Variants in DCT observed in about 807,000 individuals in gnomAD.
DCT encodes dopachrome tautomerase.
Under a neutral mutation model 53.0 loss-of-function variants are expected in DCT, and 47 were observed. That is an observed-to-expected ratio of 0.89 (90% CI 0.70 to 1.13). The LOEUF is 1.13. Ranked by LOEUF, DCT falls within the 50% of genes most tolerant of loss-of-function variation. The probability of loss-of-function intolerance (pLI) is 0.00; values close to 1 mark genes in which losing one functional copy is unlikely to be tolerated. For synonymous variants in DCT, 244 were observed against 237.0 expected (o/e 1.03, Z -0.27); for missense variants, 669 against 637.4 (o/e 1.05, Z -0.53).
At chr13:94,502,794 A>G in the DCT span, among the ~76,000 whole-genome samples, 1 of 151,438 alleles carries the variant, frequency 6.6e-6, no homozygotes, top group African/African-American at 2.4e-5. Flanking sequence ...TCCTCGCTGC[A>G]CTCTCTCCGA....
chr13:94,458,669 G>A (rs1457155542), intron 6 of DCT, among the ~76,000 whole-genome samples: 3 of 151,894 alleles, frequency 2.0e-5, no homozygotes, highest in Non-Finnish European at 4.4e-5. Context: ...GGGCGTGGTG[G>A]CGTGCAACTG....
At chr13:94,447,297 G>A (rs973405402) in intron 6 of DCT, among the ~76,000 whole-genome samples, 5 of 152,224 alleles carry the variant, frequency 3.3e-5, no homozygotes, top group African/African-American at 1.2e-4. Context: ...GTTTCAGGAT[G>A]AAATTGTTCC....
At chr13:94,448,935 T>G (rs1882908146) in intron 6 of DCT, among the ~76,000 whole-genome samples, 1 of 151,748 alleles carries the variant, frequency 6.6e-6, no homozygotes, top group Non-Finnish European at 1.5e-5. Flanking sequence ...AATAAATAAA[T>G]TTGTATCATT....
chr13:94,490,892 C>T, the DCT span, among the ~76,000 whole-genome samples: 17 of 152,092 alleles, frequency 1.1e-4, no homozygotes, highest in African/African-American at 3.9e-4. Flanking sequence ...TTTGTAATCA[C>T]AAGATCTATT....
chr13:94,518,149 G>T, the DCT span, among the ~76,000 whole-genome samples: 7 of 137,796 alleles, frequency 5.1e-5, no homozygotes, highest in African/African-American at 8.9e-5. Flanking sequence ...AAGGAAGGAA[G>T]GAAGGAATGA....
the DCT span, among the ~76,000 whole-genome samples, chr13:94,516,450 C>T: frequency 6.6e-6 from 1 of 152,132 alleles, no homozygotes; most frequent in Non-Finnish European, 1.5e-5. Flanking sequence ...CACGGTTTGT[C>T]TCATTTGCAA....
chr13:94,489,023 A>G, the DCT span, among the ~76,000 whole-genome samples: 1 of 152,100 alleles, frequency 6.6e-6, no homozygotes, highest in Non-Finnish European at 1.5e-5. Context: ...CTATCTGCCC[A>G]TCTGTGTGTG....
intron 1 of DCT, among the ~76,000 whole-genome samples, chr13:94,476,389 T>C (rs1885086529): frequency 6.6e-6 from 1 of 151,644 alleles, no homozygotes; most frequent in Non-Finnish European, 1.5e-5. Flanking sequence ...AGTTTATGGT[T>C]ATATGTGACT....
intron 1 of DCT, among the ~76,000 whole-genome samples, chr13:94,473,149 T>C (rs537719238): frequency 6.6e-6 from 1 of 152,310 alleles, no homozygotes; most frequent in African/African-American, 2.4e-5. Context: ...CTCTGACTTA[T>C]GATGGTTCAA....
At chr13:94,515,441 C>A in the DCT span, among the ~76,000 whole-genome samples, 1,371 of 152,220 alleles carry the variant, frequency 9.0e-3, 13 homozygotes, top group Middle Eastern at 0.034. Flanking sequence ...CAATTGGATG[C>A]GGAAGGTGAG....
the DCT span, among the ~76,000 whole-genome samples, chr13:94,530,450 T>A: frequency 2.0e-5 from 3 of 152,150 alleles, no homozygotes; most frequent in African/African-American, 7.2e-5. Flanking sequence ...CACAATCAAG[T>A]CGGCTTCATT....
the DCT span, among the ~76,000 whole-genome samples, chr13:94,494,802 AT>A: frequency 0.062 from 9,515 of 152,254 alleles, 343 homozygotes; most frequent in Non-Finnish European, 0.08. Context: ...CATATACATA[AT>A]TGAAACAAAA....
chr13:94,517,295 T>A, the DCT span, among the ~76,000 whole-genome samples: 1 of 152,204 alleles, frequency 6.6e-6, no homozygotes, highest in Non-Finnish European at 1.5e-5. Context: ...CCAATGAGGC[T>A]TCAAGGTCCA....
At chr13:94,491,196 T>G in the DCT span, among the ~76,000 whole-genome samples, 1 of 152,124 alleles carries the variant, frequency 6.6e-6, no homozygotes, top group East Asian at 1.9e-4. Flanking sequence ...CATCTCACGG[T>G]CCTGGGGCTA....
At chr13:94,506,147 T>A in the DCT span, among the ~76,000 whole-genome samples, 5 of 152,350 alleles carry the variant, frequency 3.3e-5, no homozygotes, top group Admixed American at 2.6e-4. Context: ...TAGTTTGTTA[T>A]CTGCCACCAT....
chr13:94,455,221 T>C (rs994318032), intron 6 of DCT, among the ~76,000 whole-genome samples: 10 of 152,050 alleles, frequency 6.6e-5, no homozygotes, highest in African/African-American at 2.4e-4. Flanking sequence ...TCTACAAAAA[T>C]AAAAAATTTA....
chr13:94,457,572 T>A (rs1165092146), intron 6 of DCT, among the ~76,000 whole-genome samples: 4 of 152,100 alleles, frequency 2.6e-5, no homozygotes, highest in Admixed American at 6.6e-5. Flanking sequence ...AAGATTAACA[T>A]TAAGGTGAGG....
At position 94,439,579 on chromosome 13, in the gene DCT, GT is replaced by G. The variant is rs11349197; in HGVS notation, c.*318del. ...GGATCAATGTTTTGGGATTTTTTTT[GT>G]TTTTTTTTAAATGCTTTCAGAAAAG... On this transcript the variant is annotated 3_prime_UTR_variant, in exon 8 of 8. Coordinates refer to ENST00000377028, the MANE Select transcript of DCT (RefSeq NM_001922.5). 159,609 of 159,772 alleles carry G rather than the reference GT, an allele frequency of 1. 79,724 individuals are homozygous for G. The highest frequency in any genetic ancestry group is 1 in the Admixed American group (15,527 of 15,536). The allele number at this position is 159,772 out of a possible 1,614,324, so 9.9% of individuals were successfully genotyped here.
the DCT span, among the ~76,000 whole-genome samples, chr13:94,533,841 C>A: frequency 3.3e-5 from 5 of 152,208 alleles, no homozygotes; most frequent in Non-Finnish European, 7.4e-5. Context: ...TAGAATTGGC[C>A]AGTAGGTCAT....
Sources: allele counts gnomAD v4.1 joint callset (sites outside exome capture counted in the v4.1 genomes callset), GRCh38; gene constraint gnomAD v4.1.1; transcripts MANE v1.5; gene names NCBI Gene and HGNC (gene_info 2026-07-23, HGNC 2026-07-21).